Variants in TLL1 observed in about 807,000 individuals in gnomAD.
TLL1 encodes the protein tolloid-like protein 1.
TLL1 carries 49 observed loss-of-function variants against 128.2 expected under a neutral mutation model. The observed-to-expected ratio is 0.38, with a 90% CI of 0.30 to 0.48. The LOEUF (loss-of-function observed/expected upper bound fraction) is 0.48, where lower values mean the gene tolerates loss of function less well. Ranked by LOEUF, TLL1 falls within the 20% of genes least tolerant of loss-of-function variation. The pLI is 0.96. For synonymous variants in TLL1, 454 were observed against 418.8 expected (o/e 1.08, Z -1.03); for missense variants, 1,123 against 1,242.0 (o/e 0.90, Z 1.44).
intron 1 of TLL1, among the ~76,000 whole-genome samples, chr4:165,899,150 T>A (rs1731833313): frequency 6.6e-6 from 1 of 152,130 alleles, no homozygotes; most frequent in African/African-American, 2.4e-5. Flanking sequence ...ATCTATTTTG[T>A]TAATCTTTTC....
intron 1 of TLL1, among the ~76,000 whole-genome samples, chr4:165,954,938 C>T (rs1223915510): frequency 1.3e-5 from 2 of 152,022 alleles, no homozygotes; most frequent in South Asian, 4.1e-4. Context: ...CACACTAGGT[C>T]CCCAGCAATG....
intron 1 of TLL1, among the ~76,000 whole-genome samples, chr4:165,980,647 T>G (rs1403639855): frequency 1.3e-5 from 2 of 152,066 alleles, no homozygotes; most frequent in African/African-American, 4.8e-5. Flanking sequence ...GAGAAGTCTA[T>G]TTTTAATATT....
chr4:165,975,657 A>G (rs1322688784), intron 1 of TLL1, among the ~76,000 whole-genome samples: 2 of 152,178 alleles, frequency 1.3e-5, no homozygotes, highest in Non-Finnish European at 2.9e-5. Flanking sequence ...AATGGGAACT[A>G]AGGGGTTTCT....
intron 18 of TLL1, among the ~76,000 whole-genome samples, chr4:166,082,028 G>A (rs1401591493): frequency 6.6e-6 from 1 of 152,140 alleles, no homozygotes; most frequent in Non-Finnish European, 1.5e-5. Flanking sequence ...GGTCATACCT[G>A]CTGGTATCCT....
chr4:166,027,901 C>T (rs1738581651), intron 9 of TLL1, among the ~76,000 whole-genome samples: 1 of 151,976 alleles, frequency 6.6e-6, no homozygotes, highest in Non-Finnish European at 1.5e-5. Context: ...GTATGATTAT[C>T]TATAAAACTA....
At position 166,099,472 on chromosome 4, in the gene TLL1, T is replaced by C; in HGVS notation, c.2852T>C (p.Leu951Pro). Reference protein sequence around the residue: ...EADCGYDYVELFDGLDSTAVG... With the variant: ...EADCGYDYVEPFDGLDSTAVG... Reference sequence around the variant, plus strand: ...GACTGTGGCTATGACTATGTGGAGCTCTTTGATGGTCTTGATTCAACAGCT... The same window carrying C: ...GACTGTGGCTATGACTATGTGGAGCCCTTTGATGGTCTTGATTCAACAGCT... The change falls in exon 20 of 21, where the codon CTC becomes CCC. Residue 951 changes from leucine to proline, a missense_variant. Leu to Pro is a moderately conservative substitution (Grantham distance 98, BLOSUM62 -3). Transcript: ENST00000061240. 1 of 1,613,476 alleles carries C rather than the reference T, an allele frequency of 6.2e-7. No individual in the cohort carries two copies. Among genetic ancestry groups the C allele is most frequent in the Non-Finnish European group, 8.5e-7 (1 of 1,179,628 alleles).
intron 1 of TLL1, among the ~76,000 whole-genome samples, chr4:165,903,990 A>G (rs1732134506): frequency 6.6e-6 from 1 of 152,120 alleles, no homozygotes; most frequent in South Asian, 2.1e-4. Flanking sequence ...GTCTTTTTAT[A>G]TTATACGTTT....
At chr4:166,058,389 A>G (rs1318839872) in intron 14 of TLL1, among the ~76,000 whole-genome samples, 1 of 152,200 alleles carries the variant, frequency 6.6e-6, no homozygotes, top group Non-Finnish European at 1.5e-5. Flanking sequence ...TATCTCTAAT[A>G]TCTAGCACAG....
At chr4:166,078,169 C>T (rs1032333149) in intron 18 of TLL1, 139 bp downstream of exon 18, 1 of 1,316,542 alleles carries the variant, frequency 7.6e-7, no homozygotes, top group East Asian at 2.6e-5. Context: ...CTCATGCTTT[C>T]CTACTTGCAC....
chr4:166,027,751 T>G (rs149840509), intron 9 of TLL1, among the ~76,000 whole-genome samples: 1,841 of 152,218 alleles, frequency 0.012, 43 homozygotes, highest in African/African-American at 0.04. Context: ...GAAAACCTCA[T>G]AGAATATGAA....
At chr4:165,975,297 G>A (rs993177673) in intron 1 of TLL1, among the ~76,000 whole-genome samples, 3 of 151,956 alleles carry the variant, frequency 2.0e-5, no homozygotes, top group Non-Finnish European at 4.4e-5. Flanking sequence ...AAAACACCAT[G>A]GAAAAAACTC....
At chr4:165,930,113 C>A (rs999357997) in intron 1 of TLL1, among the ~76,000 whole-genome samples, 10 of 152,234 alleles carry the variant, frequency 6.6e-5, no homozygotes, top group South Asian at 4.1e-4. Flanking sequence ...AAGTTAAGCC[C>A]ATACTTTTTA....
chr4:165,981,070 C>T (rs1359549763), intron 1 of TLL1, among the ~76,000 whole-genome samples: 1 of 151,992 alleles, frequency 6.6e-6, no homozygotes, highest in Non-Finnish European at 1.5e-5. Context: ...AAATTTTGCA[C>T]ATGAGAGAGT....
chr4:165,976,760 A>G (rs1208123385), intron 1 of TLL1, among the ~76,000 whole-genome samples: 1 of 152,222 alleles, frequency 6.6e-6, no homozygotes, highest in African/African-American at 2.4e-5. Flanking sequence ...GAAAAGGGAT[A>G]GAGGTTCTTT....
rs1408098591 is a variant in TLL1, at chr4:166,085,237, TAA to T, written c.2443-5890_2443-5889del. On this transcript the variant is annotated intron_variant, in intron 18 of 20. Transcript: ENST00000061240. ...GTGTCTTCTGCAAACAGGGATAATT[TAA>T]CTTTTTTTTTTTTTCAATTTGGATG... 6.6e-5 allele frequency among the ~76,000 whole-genome samples: 5 copies of T among 76,300 alleles called. No homozygotes were observed. In the East Asian group the frequency reaches 2.5e-3, roughly 39 times the overall value. The allele number at this position is 76,300 out of a possible 152,430, so 50.1% of individuals were successfully genotyped here.
At chr4:165,974,226 C>T (rs1241921295) in intron 1 of TLL1, among the ~76,000 whole-genome samples, 1 of 117,058 alleles carries the variant, frequency 8.5e-6, no homozygotes, top group South Asian at 2.4e-4. Context: ...CTGCAAGCTC[C>T]GCCTCCCGGG....
chr4:165,874,192 C>G, intron 1 of TLL1, 119 bp downstream of exon 1: 1 of 1,238,584 alleles, frequency 8.1e-7, no homozygotes, highest in Non-Finnish European at 1.2e-6. Flanking sequence ...CTCCGCCGCC[C>G]CTCCTTCTCT....
At chr4:166,069,451 A>T (rs1740712730) in intron 16 of TLL1, among the ~76,000 whole-genome samples, 2 of 151,718 alleles carry the variant, frequency 1.3e-5, no homozygotes, top group South Asian at 4.1e-4. Context: ...GTAATAAGTG[A>T]TTCTATAGTA....
intron 19 of TLL1, among the ~76,000 whole-genome samples, chr4:166,096,351 G>A (rs572631185): frequency 1.0e-4 from 15 of 148,880 alleles, no homozygotes; most frequent in Admixed American, 6.6e-4. Flanking sequence ...CCGGGGGCGG[G>A]GGGAACTTCT....
Sources: allele counts gnomAD v4.1 joint callset (sites outside exome capture counted in the v4.1 genomes callset), GRCh38; gene constraint gnomAD v4.1.1; transcripts MANE v1.5; gene names NCBI Gene and HGNC (gene_info 2026-07-23, HGNC 2026-07-21).